Variants in AASDH observed in about 807,000 individuals in gnomAD.
AASDH encodes aminoadipate-semialdehyde dehydrogenase, also known as beta-alanine-activating enzyme.
In AASDH, 81 loss-of-function variants were observed where a neutral mutation model predicts 102.3. That is an observed-to-expected ratio of 0.79 (90% CI 0.66 to 0.95). AASDH has a LOEUF of 0.95. AASDH is among the 40% of genes least tolerant of loss of function. The pLI is 0.00. For synonymous variants in AASDH, 398 were observed against 454.0 expected (o/e 0.88, Z 1.57); for missense variants, 1,203 against 1,266.2 (o/e 0.95, Z 0.76).
At chr4:56,357,351 T>A (rs1267827147) in intron 5 of AASDH, among the ~76,000 whole-genome samples, 2 of 152,186 alleles carry the variant, frequency 1.3e-5, no homozygotes, top group East Asian at 3.9e-4. Flanking sequence ...TCAGGCTTCT[T>A]TTATAAGAGC....
intron 5 of AASDH, among the ~76,000 whole-genome samples, chr4:56,361,292 C>T (rs1750254771): frequency 6.6e-6 from 1 of 152,012 alleles, no homozygotes; most frequent in Admixed American, 6.6e-5. Flanking sequence ...ACCTGTATTC[C>T]CAGCTACTTG....
chr4:56,380,791 T>C (rs1221947397), intron 3 of AASDH, among the ~76,000 whole-genome samples: 1 of 152,228 alleles, frequency 6.6e-6, no homozygotes, highest in African/African-American at 2.4e-5. Flanking sequence ...TCTTATACAC[T>C]GTAGGATTTT....
Position 56,338,597 on chromosome 4 carries a change from A to G in AASDH, c.3102T>C (p.Asn1034=). Residue 1034 remains asparagine (N), a synonymous_variant, in exon 15 of 15, where the codon AAT becomes AAC. Transcript: ENST00000205214. ...PFAFHNYNGS[N]EMLLAAASTD... is the part of the protein sequence containing the mutation. ...TAGATGCTGCTGCCAGCAACATTTCATTGCTGCCATTGTAGTTATGGAAAG... is the reference window on the plus strand; with the variant it reads ...TAGATGCTGCTGCCAGCAACATTTCGTTGCTGCCATTGTAGTTATGGAAAG... 3 of 1,614,162 alleles carry G rather than the reference A, an allele frequency of 1.9e-6. No homozygotes were observed. Among genetic ancestry groups the G allele is most frequent in the East Asian group, 2.2e-5 (1 of 44,866 alleles).
intron 1 of AASDH, among the ~76,000 whole-genome samples, chr4:56,386,018 GA>G (rs1265086118): frequency 1.3e-5 from 2 of 151,378 alleles, no homozygotes; most frequent in Admixed American, 6.6e-5. Context: ...CATCAATTAG[GA>G]AAAAGAAATC....
intron 11 of AASDH, among the ~76,000 whole-genome samples, chr4:56,347,019 T>TTAA (rs1748405479): frequency 6.7e-6 from 1 of 148,782 alleles, no homozygotes; most frequent in Non-Finnish European, 1.5e-5. Flanking sequence ...CCAGCCTGGG[T>TTAA]GACAGAGCAA....
intron 5 of AASDH, among the ~76,000 whole-genome samples, chr4:56,365,696 A>C (rs538365286): frequency 1.8e-3 from 281 of 152,312 alleles, no homozygotes; most frequent in African/African-American, 6.4e-3. Flanking sequence ...AACATACCAG[A>C]ATCTCTGGGA....
rs763730686 is a variant in AASDH, at chr4:56,338,565, C to CCAT, written c.3131_3133dup (p.Asp1044dup). 5.6e-6 allele frequency: 9 copies of CCAT among 1,614,102 alleles called. No individual in the cohort carries two copies. The South Asian group carries it at 8.8e-5, about 16-fold the overall frequency. On this transcript the variant is annotated inframe_insertion, in exon 15 of 15. Coordinates refer to ENST00000205214, the MANE Select transcript of AASDH (RefSeq NM_181806.4). ...CTGAGATTCCAAGATCCACACTTTC[C>CCAT]CATCAGTAGATGCTGCTGCCAGCAA...
chr4:56,353,721 T>A, intron 8 of AASDH, 125 bp from the exon 9 acceptor site: 2 of 884,450 alleles, frequency 2.3e-6, no homozygotes, highest in Non-Finnish European at 3.3e-6. Flanking sequence ...TGGAGATTTT[T>A]AAAAAATTGC....
intron 8 of AASDH, 79 bp from the exon 9 acceptor site, chr4:56,353,675 G>A: frequency 7.7e-7 from 1 of 1,305,920 alleles, no homozygotes; most frequent in Non-Finnish European, 1.0e-6. Flanking sequence ...TTTAATGTCT[G>A]AAATCAAAAC....
At chr4:56,342,100 GATTCTGTCTCAAAAA>G in intron 14 of AASDH, among the ~76,000 whole-genome samples, 1 of 112,606 alleles carries the variant, frequency 8.9e-6, no homozygotes, top group Non-Finnish European at 1.7e-5. Flanking sequence ...AACAGAGCAA[GATTCTGTCTCAAAAA>G]AAAAAAAAAA....
At chr4:56,356,224 G>A (rs1577994226) in intron 5 of AASDH, 2 of 772,144 alleles carry the variant, frequency 2.6e-6, no homozygotes, top group East Asian at 2.5e-5. Flanking sequence ...TGAATCCCCT[G>A]TTTGAGAAAA....
intron 12 of AASDH, among the ~76,000 whole-genome samples, chr4:56,343,901 TG>T (rs1344954224): frequency 6.6e-6 from 1 of 152,166 alleles, no homozygotes; most frequent in Non-Finnish European, 1.5e-5. Context: ...TTGATCTTTT[TG>T]GGGTATGGGT....
Position 56,338,520 on chromosome 4 carries a change from A to G in AASDH, c.3179T>C (p.Val1060Ala). 2 of 1,613,962 alleles carry G rather than the reference A, an allele frequency of 1.2e-6. No homozygotes were observed. The highest frequency in any genetic ancestry group is 1.7e-6 in the Non-Finnish European group (2 of 1,180,006). ...GAAGACTTCTCCAGGAAGTTCATAA[A>G]CACTTTGCAATTGTCCACTCTGAGA... is the stretch of plus-strand genomic sequence containing the variant. ...LESQSGQLQS[V>A]YELPGEVFSS... Residue 1060 changes from valine (V) to alanine (A), a missense_variant, in exon 15 of 15, where the codon GTT becomes GCT. Transcript: ENST00000205214.
intron 4 of AASDH, 81 bp downstream of exon 4, chr4:56,378,067 A>C (rs1427975914): frequency 7.3e-7 from 1 of 1,372,718 alleles, no homozygotes; most frequent in Non-Finnish European, 9.9e-7. Context: ...CAGCCTCCCA[A>C]AGTGCTGGGA....
chr4:56,381,538 A>G (rs1458144356), intron 3 of AASDH, among the ~76,000 whole-genome samples: 1 of 151,582 alleles, frequency 6.6e-6, no homozygotes, highest in African/African-American at 2.4e-5. Flanking sequence ...AGATCGCACC[A>G]CTGCCCATTG....
chr4:56,374,568 C>T (rs1752138838), intron 4 of AASDH, among the ~76,000 whole-genome samples: 1 of 152,060 alleles, frequency 6.6e-6, no homozygotes, highest in South Asian at 2.1e-4. Context: ...AGTGTTATCA[C>T]AAACTTTCTT....
intron 1 of AASDH, among the ~76,000 whole-genome samples, chr4:56,385,051 G>A (rs1366474975): frequency 6.6e-6 from 1 of 152,220 alleles, no homozygotes; most frequent in African/African-American, 2.4e-5. Flanking sequence ...TCCAGCCTGG[G>A]TGACAGGGCA....
chr4:56,350,959 A>G (rs1748928246), intron 10 of AASDH, among the ~76,000 whole-genome samples: 1 of 152,248 alleles, frequency 6.6e-6, no homozygotes, highest in Non-Finnish European at 1.5e-5. Flanking sequence ...TTCTTTTAGA[A>G]TAATGATGTA....
intron 9 of AASDH, among the ~76,000 whole-genome samples, chr4:56,352,837 C>T (rs1577982882): frequency 6.6e-6 from 1 of 152,174 alleles, no homozygotes. Flanking sequence ...CCTGAGTCTC[C>T]AGCTTGCCAA....
Sources: allele counts gnomAD v4.1 joint callset (sites outside exome capture counted in the v4.1 genomes callset), GRCh38; gene constraint gnomAD v4.1.1; transcripts MANE v1.5; gene names NCBI Gene and HGNC (gene_info 2026-07-23, HGNC 2026-07-21).